Variants in ITFG1 observed in about 807,000 individuals in gnomAD.
ITFG1 encodes T-cell immunomodulatory protein.
In ITFG1, 34 loss-of-function variants were observed where a neutral mutation model predicts 81.8. The observed-to-expected ratio is 0.42, with a 90% CI of 0.32 to 0.55. The LOEUF (loss-of-function observed/expected upper bound fraction) is 0.55, where lower values mean the gene tolerates loss of function less well. Ranked by LOEUF, ITFG1 falls within the 20% of genes least tolerant of loss-of-function variation. The probability of loss-of-function intolerance (pLI) is 0.17; values close to 1 mark genes in which losing one functional copy is unlikely to be tolerated. For synonymous variants in ITFG1, 285 were observed against 270.6 expected (o/e 1.05, Z -0.52); for missense variants, 672 against 755.4 (o/e 0.89, Z 1.29).
At chr16:47,242,931 G>T (rs1269747521) in intron 12 of ITFG1, among the ~76,000 whole-genome samples, 8 of 152,038 alleles carry the variant, frequency 5.3e-5, no homozygotes, top group Admixed American at 5.2e-4. Context: ...AATTGCATGG[G>T]TACGTTTACT....
intron 10 of ITFG1, among the ~76,000 whole-genome samples, chr16:47,310,081 A>C (rs967668401): frequency 2.0e-5 from 3 of 152,264 alleles, no homozygotes; most frequent in Admixed American, 6.5e-5. Flanking sequence ...TCTGCATAAC[A>C]GAGCACCCTG....
intron 13 of ITFG1, among the ~76,000 whole-genome samples, chr16:47,225,224 A>G (rs1965743500): frequency 6.6e-6 from 1 of 152,148 alleles, no homozygotes; most frequent in African/African-American, 2.4e-5. Context: ...AGATATGTCA[A>G]TTCATATTAT....
chr16:47,277,740 T>C (rs772562348), intron 10 of ITFG1, among the ~76,000 whole-genome samples: 1 of 151,968 alleles, frequency 6.6e-6, no homozygotes, highest in African/African-American at 2.4e-5. Flanking sequence ...AACTACAGAG[T>C]GGATTTTGAA....
At chr16:47,174,401 C>T (rs1010421812) in intron 14 of ITFG1, among the ~76,000 whole-genome samples, 3 of 152,146 alleles carry the variant, frequency 2.0e-5, no homozygotes, top group African/African-American at 7.2e-5. Flanking sequence ...GGAAGACCCA[C>T]TAGCTGAAGA....
At chr16:47,417,526 A>G (rs1303630165) in intron 6 of ITFG1, among the ~76,000 whole-genome samples, 1 of 152,134 alleles carries the variant, frequency 6.6e-6, no homozygotes, top group Non-Finnish European at 1.5e-5. Flanking sequence ...ATACCCATTA[A>G]CCACTCTTTT....
chr16:47,400,637 G>T (rs776714329), intron 6 of ITFG1, among the ~76,000 whole-genome samples: 1 of 152,096 alleles, frequency 6.6e-6, no homozygotes, highest in Admixed American at 6.6e-5. Context: ...GTATTCTGGG[G>T]GCTTCCCAGA....
At chr16:47,273,794 A>G (rs558562211) in intron 10 of ITFG1, among the ~76,000 whole-genome samples, 117 of 146,792 alleles carry the variant, frequency 8.0e-4, no homozygotes, top group Admixed American at 1.5e-3. Context: ...TTGTTTGTTT[A>G]TTTATTTATT....
At chr16:47,194,475 C>T (rs1229641744) in intron 14 of ITFG1, among the ~76,000 whole-genome samples, 1 of 152,138 alleles carries the variant, frequency 6.6e-6, no homozygotes, top group Non-Finnish European at 1.5e-5. Context: ...TTTCATAAGA[C>T]TCCATTCTGG....
At chr16:47,304,987 C>G (rs534489831) in intron 10 of ITFG1, among the ~76,000 whole-genome samples, 6 of 152,070 alleles carry the variant, frequency 3.9e-5, no homozygotes, top group African/African-American at 1.4e-4. Context: ...GTTGATGATT[C>G]AACAGCTAAA....
In ITFG1 at chr16:47,409,788, A is replaced by AAC. The variant is rs201919091; in HGVS notation, c.655+19014_655+19015dup. On this transcript the variant is annotated intron_variant, in intron 6 of 17. Transcript: ENST00000320640. ...ATGGCACTTTCCAAGCATGACACAA[A>AAC]ACACATATCATGACAGAAAAGATGA... 7.5e-3 allele frequency among the ~76,000 whole-genome samples: 1,134 copies of AAC among 152,104 alleles called. 18 individuals carry two copies. The highest frequency in any genetic ancestry group is 0.026 in the African/African-American group (1,074 of 41,498).
At chr16:47,318,600 T>C (rs1045878284) in intron 8 of ITFG1, among the ~76,000 whole-genome samples, 2 of 152,166 alleles carry the variant, frequency 1.3e-5, no homozygotes, top group Admixed American at 6.5e-5. Flanking sequence ...TCTGAAAAAC[T>C]GAAGACCCCA....
At chr16:47,338,193 T>C (rs1314459763) in intron 8 of ITFG1, among the ~76,000 whole-genome samples, 1 of 152,170 alleles carries the variant, frequency 6.6e-6, no homozygotes, top group Non-Finnish European at 1.5e-5. Context: ...GTGGATCACC[T>C]GAGGTCAGGA....
At chr16:47,183,280 A>C (rs1350497675) in intron 14 of ITFG1, among the ~76,000 whole-genome samples, 2 of 152,228 alleles carry the variant, frequency 1.3e-5, no homozygotes, top group Non-Finnish European at 2.9e-5. Flanking sequence ...AGCCCACCAC[A>C]GCTCCAGGAG....
chr16:47,326,458 T>C (rs1242211485), intron 8 of ITFG1, among the ~76,000 whole-genome samples: 1 of 152,190 alleles, frequency 6.6e-6, no homozygotes, highest in Non-Finnish European at 1.5e-5. Flanking sequence ...AAAATAGTGT[T>C]GGAAGTTCTG....
chr16:47,352,032 T>A (rs1039921293), intron 8 of ITFG1, among the ~76,000 whole-genome samples: 1 of 152,186 alleles, frequency 6.6e-6, no homozygotes, highest in Non-Finnish European at 1.5e-5. Context: ...CTGGATCCCT[T>A]CCTTACACCT....
At position 47,305,210 on chromosome 16, in the gene ITFG1, T is replaced by C. The variant is rs1967138823; in HGVS notation, c.1070+6030A>G. ...TCTCTCTCTGTAATTAATGATGTGC[T>C]GTCTTATACATATAAACTGCTTGGA... On this transcript the variant is annotated intron_variant, in intron 10 of 17. Coordinates refer to ENST00000320640, the MANE Select transcript of ITFG1 (RefSeq NM_030790.5). 3.3e-5 allele frequency among the ~76,000 whole-genome samples: 5 copies of C among 152,196 alleles called. No individual in the cohort carries two copies. The South Asian group carries it at 1.0e-3, about 31-fold the overall frequency.
At chr16:47,253,235 T>C (rs1966098520) in intron 12 of ITFG1, among the ~76,000 whole-genome samples, 1 of 152,186 alleles carries the variant, frequency 6.6e-6, no homozygotes, top group Non-Finnish European at 1.5e-5. Flanking sequence ...TTTAACTTTT[T>C]ACTACAGAAC....
chr16:47,308,039 A>G (rs1967197856), intron 10 of ITFG1, among the ~76,000 whole-genome samples: 1 of 152,222 alleles, frequency 6.6e-6, no homozygotes, highest in African/African-American at 2.4e-5. Flanking sequence ...AAAAAATCCA[A>G]TCCACTATTG....
chr16:47,427,274 A>G lies in ITFG1; in HGVS notation c.655+1530T>C, dbSNP rs1328485294. ...ATTTTAATATCACAGAAGAGAGAGA[A>G]CTTAAACTGTATCACCTAATGAACT... On this transcript the variant is annotated intron_variant, in intron 6 of 17. Transcript: ENST00000320640. Among the ~76,000 whole-genome samples the G allele has an allele frequency of 7.9e-5, 12 of 152,180 alleles. No homozygotes were observed. The East Asian group carries it at 2.3e-3, about 29-fold the overall frequency.
Sources: gnomAD v4.1 joint callset for allele counts (sites outside exome capture counted in the v4.1 genomes callset) on GRCh38, gnomAD v4.1.1 for gene constraint, MANE v1.5 for transcripts, NCBI Gene and HGNC (gene_info 2026-07-23, HGNC 2026-07-21) for gene names.